The following ZNF714 variants were observed in gnomAD, a reference collection of about 807,000 sequenced individuals.
The protein encoded by ZNF714 is zinc finger protein 714.
ZNF714 carries 32 observed loss-of-function variants against 46.2 expected under a neutral mutation model. The observed-to-expected ratio is 0.69, with a 90% CI of 0.52 to 0.93. The LOEUF (loss-of-function observed/expected upper bound fraction) is 0.93. ZNF714 is among the 40% of genes least tolerant of loss of function. The probability of loss-of-function intolerance (pLI) is 0.00; values close to 1 mark genes in which losing one functional copy is unlikely to be tolerated. For missense variants in ZNF714, 635 were observed against 646.3 expected (o/e 0.98, Z 0.19); for synonymous variants, 199 against 213.1 (o/e 0.93, Z 0.58).
In ZNF714 at chr19:21,121,340, G is replaced by A. The variant is rs770558881; in HGVS notation, c.*3008G>A. The A allele has an allele frequency of 1.3e-5, 2 of 152,100 alleles. No individual in the cohort carries two copies. The highest frequency in any genetic ancestry group is 2.9e-5 in the Non-Finnish European group (2 of 68,034). The allele number at this position is 152,100 out of a possible 1,614,324, so 9.4% of individuals were successfully genotyped here. A position where few individuals can be genotyped will look rare whatever the true frequency, so the allele number is the denominator to read the frequency against. Reference sequence around the variant, plus strand: ...CCCAAAGTGCTGGGATTACAGGCATGAGCCACCGTGCCCGGCCACTTTTTA... The same window carrying A: ...CCCAAAGTGCTGGGATTACAGGCATAAGCCACCGTGCCCGGCCACTTTTTA... On this transcript the variant is annotated 3_prime_UTR_variant, in exon 5 of 5. Transcript: ENST00000456283.
In ZNF714 at chr19:21,082,276, C is replaced by T. The variant is rs1313865016; in HGVS notation, c.-249C>T. ...TCCTCTGCTCGCAGAGGCCCAGCCTCTGTGGCCCTGTGACCTGCAGGTATT... is the reference window on the plus strand; with the variant it reads ...TCCTCTGCTCGCAGAGGCCCAGCCTTTGTGGCCCTGTGACCTGCAGGTATT... On this transcript the variant is annotated 5_prime_UTR_variant, in exon 1 of 5. Transcript: ENST00000456283. 1 of 1,419,530 alleles carries T rather than the reference C, an allele frequency of 7.0e-7. No homozygotes were observed. The highest frequency in any genetic ancestry group is 1.4e-5 in the African/African-American group (1 of 71,338). 87.9% of individuals were successfully genotyped at this position (1,419,530 alleles called of 1,614,324 possible). A position where few individuals can be genotyped will look rare whatever the true frequency, so the allele number is the denominator to read the frequency against.
rs746360936 is a variant in ZNF714 at position 21,120,519 on chromosome 19, CATT to C, written c.*2188_*2190del. On this transcript the variant is annotated 3_prime_UTR_variant, in exon 5 of 5. Transcript: ENST00000456283. ...AGTAATATTCTGCATTATGAAAAAA[CATT>C]TAATTTTATTTAAAATTTAGTTTAT... The C allele has an allele frequency of 9.0e-5, 13 of 143,850 alleles. No homozygotes were observed. Among genetic ancestry groups the C allele is most frequent in the Non-Finnish European group, 1.8e-4 (12 of 65,894 alleles). 8.9% of individuals were successfully genotyped at this position (143,850 alleles called of 1,614,324 possible).
intron 1 of ZNF714, 54 bp from the exon 2 acceptor site, chr19:21,083,924 A>G (rs961723319): frequency 6.1e-6 from 6 of 982,614 alleles, no homozygotes; most frequent in African/African-American, 1.8e-5. Flanking sequence ...CACCATGGTT[A>G]TGTCAGCTAA....
At chr19:21,082,403 G>A (rs1015104823) in intron 1 of ZNF714, 55 bp downstream of exon 1, 1 of 1,436,658 alleles carries the variant, frequency 7.0e-7, no homozygotes, top group Middle Eastern at 2.0e-4. Flanking sequence ...GTTGTAAGCG[G>A]TGGGAAGTGG....
At chr19:21,103,802 G>A (rs892937678) in intron 4 of ZNF714, among the ~76,000 whole-genome samples, 4 of 152,016 alleles carry the variant, frequency 2.6e-5, no homozygotes, top group South Asian at 2.1e-4. Context: ...AGATTGAGGG[G>A]AGGATTACTT....
At chr19:21,090,814 T>C (rs1196244595) in intron 2 of ZNF714, 1 of 151,576 alleles carries the variant, frequency 6.6e-6, no homozygotes, top group Non-Finnish European at 1.5e-5. Context: ...TGGTTGCACA[T>C]TTTTATGGTT....
chr19:21,090,681 G>A (rs1274733956), intron 2 of ZNF714, among the ~76,000 whole-genome samples: 2 of 152,014 alleles, frequency 1.3e-5, no homozygotes, highest in Admixed American at 1.3e-4. Flanking sequence ...CCCCAAGAGA[G>A]GGTTCTTGGA....
At position 21,117,655 on chromosome 19, in the gene ZNF714, C is replaced by T; in HGVS notation, c.991C>T (p.His331Tyr). The change falls in exon 5 of 5, where the codon CAT becomes TAT. Residue 331 changes from histidine (H) to tyrosine (Y), a missense_variant. Coordinates refer to ENST00000456283, the MANE Select transcript of ZNF714 (RefSeq NM_182515.4). The part of the protein sequence containing the change: ...GFNWSSTLTK[H>Y]KRIHTGEKPY... The stretch of plus-strand genomic sequence containing the variant: ...TAACTGGTCTTCAACCCTTACAAAA[C>T]ATAAAAGAATTCATACTGGAGAGAA... 6.2e-7 allele frequency: 1 copy of T among 1,613,700 alleles called. No homozygotes were observed.
intron 4 of ZNF714, among the ~76,000 whole-genome samples, chr19:21,112,178 C>T (rs759464642): frequency 1.3e-5 from 2 of 152,056 alleles, no homozygotes; most frequent in Admixed American, 6.6e-5. Flanking sequence ...ACTCTTTGTA[C>T]CTCTGGTAGA....
rs751690004 is a variant in ZNF714, at chr19:21,117,474, A to G, written c.810A>G (p.Ser270=). The G allele has an allele frequency of 1.2e-6, 2 of 1,611,132 alleles. No homozygotes were observed. Among genetic ancestry groups the G allele is most frequent in the African/African-American group, 2.7e-5 (2 of 74,950 alleles). Residue 270 remains serine (S), a synonymous_variant, in exon 5 of 5, where the codon TCA becomes TCG. Coordinates refer to ENST00000456283, the MANE Select transcript of ZNF714 (RefSeq NM_182515.4). ...EECGKAFNHP[S]ALTTHKFIHV... is the part of the protein sequence containing the mutation. ...GTGGTAAAGCTTTTAACCACCCTTCAGCCCTTACTACACATAAGTTCATTC... is the reference window on the plus strand; with the variant it reads ...GTGGTAAAGCTTTTAACCACCCTTCGGCCCTTACTACACATAAGTTCATTC...
In ZNF714 at chr19:21,121,498, T is replaced by C. The variant is rs1191857377; in HGVS notation, c.*3166T>C. ...TTTCCAAATTGTTATATATTTTTCT[T>C]TGAACATGTGGCCTGTCTGCCTGCA... On this transcript the variant is annotated 3_prime_UTR_variant, in exon 5 of 5. Transcript: ENST00000456283. 1 of 152,238 alleles carries C rather than the reference T, an allele frequency of 6.6e-6. No individual in the cohort carries two copies. Among genetic ancestry groups the C allele is most frequent in the African/African-American group, 2.4e-5 (1 of 41,468 alleles). 9.4% of individuals were successfully genotyped at this position (152,238 alleles called of 1,614,324 possible).
chr19:21,123,819 CTTATTTT>C lies in ZNF714; in HGVS notation c.*5492_*5498del, dbSNP rs1192677648. Reference sequence around the variant, plus strand: ...GATTTTACAATTTGGAGAAATTTCTCTTATTTTTTATATTTTTTCTTTTAGTGGGAGA... The same window carrying C: ...GATTTTACAATTTGGAGAAATTTCTCTTATATTTTTTCTTTTAGTGGGAGA... On this transcript the variant is annotated 3_prime_UTR_variant, in exon 5 of 5. Coordinates refer to ENST00000456283, the MANE Select transcript of ZNF714 (RefSeq NM_182515.4). The C allele has an allele frequency of 2.0e-5, 3 of 151,988 alleles. No homozygotes were observed. The highest frequency in any genetic ancestry group is 7.3e-5 in the African/African-American group (3 of 41,344). 9.4% of individuals were successfully genotyped at this position (151,988 alleles called of 1,614,324 possible).
intron 4 of ZNF714, among the ~76,000 whole-genome samples, chr19:21,107,189 C>G (rs887262198): frequency 1.3e-5 from 2 of 151,522 alleles, no homozygotes; most frequent in East Asian, 1.9e-4. Flanking sequence ...TTTTCCTGGG[C>G]GTTTGGCTGG....
At chr19:21,101,779 T>C (rs1483918696) in intron 4 of ZNF714, among the ~76,000 whole-genome samples, 1 of 152,178 alleles carries the variant, frequency 6.6e-6, no homozygotes, top group African/African-American at 2.4e-5. Flanking sequence ...TTGGGATGGT[T>C]ACAGAGTTAA....
At chr19:21,113,759 C>T (rs1369938591) in intron 4 of ZNF714, among the ~76,000 whole-genome samples, 1 of 152,068 alleles carries the variant, frequency 6.6e-6, no homozygotes, top group Non-Finnish European at 1.5e-5. Flanking sequence ...ATCCACCCAC[C>T]TTGGCCTCCC....
rs572051588 is a variant in ZNF714 at position 21,118,177 on chromosome 19, G to A, written c.1513G>A (p.Gly505Ser). Residue 505 changes from glycine (G) to serine (S), a missense_variant, in exon 5 of 5, where the codon GGC becomes AGC. By Grantham distance (56) the Gly-to-Ser change is moderately conservative (BLOSUM62 0). Coordinates refer to ENST00000456283, the MANE Select transcript of ZNF714 (RefSeq NM_182515.4). ...TLTKHRKIQQ[G>S]MVAHACNPNT... ...TACTAAACATAGGAAAATTCAGCAG[G>A]GCATGGTGGCTCATGCCTGTAATCC... is the stretch of plus-strand genomic sequence containing the variant. The A allele has an allele frequency of 2.0e-5, 32 of 1,612,094 alleles. No individual in the cohort carries two copies. The South Asian group carries it at 3.5e-4, about 18-fold the overall frequency.
rs1969659053 is a variant in ZNF714, at chr19:21,118,656, G to A, written c.*324G>A. ...AGGCATTAAAAATTCATACTGTACA[G>A]AAACCCTACGAGGGTGAAAAACATG... is the stretch of plus-strand genomic sequence containing the variant. On this transcript the variant is annotated 3_prime_UTR_variant, in exon 5 of 5. Transcript: ENST00000456283. 4.3e-6 allele frequency: 1 copy of A among 233,962 alleles called. No homozygotes were observed. The highest frequency in any genetic ancestry group is 1.3e-4 in the East Asian group (1 of 7,526). 14.5% of individuals were successfully genotyped at this position (233,962 alleles called of 1,614,324 possible).
chr19:21,108,949 T>C (rs1969384974), intron 4 of ZNF714, among the ~76,000 whole-genome samples: 2 of 152,214 alleles, frequency 1.3e-5, no homozygotes, highest in Admixed American at 6.5e-5. Context: ...TACATATAAA[T>C]AGATATGATA....
intron 4 of ZNF714, among the ~76,000 whole-genome samples, chr19:21,100,630 TCA>T (rs1969155993): frequency 6.6e-6 from 1 of 152,172 alleles, no homozygotes; most frequent in Non-Finnish European, 1.5e-5. Context: ...CTTTATTGCA[TCA>T]GATAGTTTAA....
Sources: allele counts gnomAD v4.1 joint callset (sites outside exome capture counted in the v4.1 genomes callset), GRCh38; gene constraint gnomAD v4.1.1; transcripts MANE v1.5; gene names NCBI Gene and HGNC (gene_info 2026-07-23, HGNC 2026-07-21).